ZNF808: variants seen among roughly 807,000 people sequenced by gnomAD.
ZNF808 encodes the protein zinc finger protein 808.
ZNF808 carries 5 observed loss-of-function variants against 8.7 expected under a neutral mutation model. The ratio of observed to expected loss-of-function variants is 0.58; its 90% CI spans 0.30 to 1.21. The LOEUF (loss-of-function observed/expected upper bound fraction) is 1.21. Among genes scored for constraint, ZNF808 ranks in the 50% most tolerant of loss-of-function variants. ZNF808 has a pLI of 0.07. For missense variants in ZNF808, 1,103 were observed against 1,098.4 expected (o/e 1.00, Z -0.06); for synonymous variants, 380 against 366.0 (o/e 1.04, Z -0.44).
chr19:52,535,439 G>A (rs2059598258), intron 2 of ZNF808, among the ~76,000 whole-genome samples: 2 of 152,012 alleles, frequency 1.3e-5, no homozygotes, highest in South Asian at 4.1e-4. Flanking sequence ...GGCTGGCCTG[G>A]ACCCCCAGGT....
intron 1 of ZNF808, among the ~76,000 whole-genome samples, chr19:52,529,123 CT>C (rs2059538219): frequency 6.6e-6 from 1 of 151,740 alleles, no homozygotes; most frequent in Non-Finnish European, 1.5e-5. Flanking sequence ...CGCCTGTAGT[CT>C]CCACACTTTA....
exon 4 of ZNF808, chr19:52,564,394 C>A: frequency 5.3e-6 from 2 of 374,190 alleles, no homozygotes; most frequent in South Asian, 4.6e-5. Context: ...TGGGTGGGTT[C>A]AGTAATAAAC....
At chr19:52,568,498 T>C (rs1385893922), downstream of ZNF808, among the ~76,000 whole-genome samples, 5 of 140,060 alleles carry the variant, frequency 3.6e-5, no homozygotes, top group Non-Finnish European at 8.2e-5. Context: ...CCTGGCATCA[T>C]TGTCCCTTCT....
chr19:52,532,084 A>G (rs2059566492), intron 1 of ZNF808, among the ~76,000 whole-genome samples: 1 of 152,182 alleles, frequency 6.6e-6, no homozygotes, highest in Non-Finnish European at 1.5e-5. Flanking sequence ...TAGTTTACTG[A>G]TTAATATTTA....
At position 52,553,931 on chromosome 19, in the gene ZNF808, G is replaced by A. The variant is rs778433297; in HGVS notation, c.1015G>A (p.Gly339Arg). 3.7e-6 allele frequency: 6 copies of A among 1,614,100 alleles called. No homozygotes were observed. Among genetic ancestry groups the A allele is most frequent in the South Asian group, 1.1e-5 (1 of 91,084 alleles). Reference protein sequence around the residue: ...ALVIHKAIHTGEKPYKCNECG... With the variant: ...ALVIHKAIHTREKPYKCNECG... The stretch of plus-strand genomic sequence containing the variant: ...TGTAATTCATAAGGCAATTCATACT[G>A]GAGAGAAACCTTACAAGTGTAATGA... Residue 339 changes from glycine to arginine, a missense_variant, in exon 5 of 5, where the codon GGA becomes AGA. Coordinates refer to ENST00000359798, the MANE Select transcript of ZNF808 (RefSeq NM_001039886.4).
intron 2 of ZNF808, among the ~76,000 whole-genome samples, chr19:52,543,055 T>C (rs1263475694): frequency 2.0e-5 from 3 of 152,050 alleles, no homozygotes; most frequent in African/African-American, 7.2e-5. Context: ...GTGTGGCGGC[T>C]TCTCCATGAA....
intron 3 of ZNF808, among the ~76,000 whole-genome samples, chr19:52,561,400 T>A (rs1373837926): frequency 6.6e-6 from 1 of 152,068 alleles, no homozygotes; most frequent in African/African-American, 2.4e-5. Context: ...CTGTACTTTC[T>A]TGGCAGACTA....
chr19:52,564,079 T>G, exon 4 of ZNF808: 1 of 638,844 alleles, frequency 1.6e-6, no homozygotes, highest in Non-Finnish European at 2.9e-6. Flanking sequence ...TCTTGTCATG[T>G]CTTCTCACAA....
Position 52,528,063 on chromosome 19 carries a change from C to T in ZNF808, c.-122+352C>T, listed in dbSNP as rs541885395. Reference sequence around the variant, plus strand: ...GCACCTCCCAGCCACCCCTCGTCGGCCCCTGGAGCGTCGCGCCGCAGCCCC... The same window carrying T: ...GCACCTCCCAGCCACCCCTCGTCGGTCCCTGGAGCGTCGCGCCGCAGCCCC... On this transcript the variant is annotated intron_variant, in intron 1 of 4. Coordinates refer to ENST00000359798, the MANE Select transcript of ZNF808 (RefSeq NM_001039886.4). Among the ~76,000 whole-genome samples the T allele has an allele frequency of 2.6e-5, 4 of 152,320 alleles. No individual in the cohort carries two copies. The South Asian group carries it at 8.3e-4, about 32-fold the overall frequency.
At chr19:52,542,877 C>G (rs570900011) in intron 2 of ZNF808, among the ~76,000 whole-genome samples, 1 of 151,342 alleles carries the variant, frequency 6.6e-6, no homozygotes, top group Non-Finnish European at 1.5e-5. Flanking sequence ...GGCACGATCT[C>G]GACTCACTGC....
intron 3 of ZNF808, among the ~76,000 whole-genome samples, chr19:52,546,209 A>G (rs1389996782): frequency 7.3e-6 from 1 of 136,638 alleles, no homozygotes; most frequent in Non-Finnish European, 1.6e-5. Flanking sequence ...TTTTTTGGAG[A>G]CAGAGTATTG....
chr19:52,539,873 CT>C (rs1259048186), intron 2 of ZNF808, among the ~76,000 whole-genome samples: 1 of 151,672 alleles, frequency 6.6e-6, no homozygotes. Context: ...TTTTGAGACA[CT>C]TTTACTGTTT....
downstream of ZNF808, among the ~76,000 whole-genome samples, chr19:52,558,284 G>T (rs1183048414): frequency 6.6e-6 from 1 of 151,118 alleles, no homozygotes; most frequent in Non-Finnish European, 1.5e-5. Context: ...CCCTGGTCTC[G>T]ATCTCCTGAC....
chr19:52,559,221 G>A (rs997445472), downstream of ZNF808, among the ~76,000 whole-genome samples: 1 of 152,096 alleles, frequency 6.6e-6, no homozygotes, highest in East Asian at 1.9e-4. Context: ...GAATGTCTCG[G>A]TGTAAAGCCC....
chr19:52,537,607 G>A (rs1271233301), intron 2 of ZNF808, among the ~76,000 whole-genome samples: 1 of 151,638 alleles, frequency 6.6e-6, no homozygotes, highest in South Asian at 2.1e-4. Context: ...AGGATCACTT[G>A]AGCCCAGGAG....
At chr19:52,551,712 AC>A (rs1195354695) in intron 4 of ZNF808, among the ~76,000 whole-genome samples, 2 of 152,168 alleles carry the variant, frequency 1.3e-5, no homozygotes, top group Non-Finnish European at 2.9e-5. Flanking sequence ...CGTTAATGTC[AC>A]AAAGTGCCAC....
chr19:52,552,704 T>TG (rs1491303288), intron 4 of ZNF808, among the ~76,000 whole-genome samples: 1 of 29,978 alleles, frequency 3.3e-5, no homozygotes, highest in Non-Finnish European at 5.6e-5. Context: ...TGTTGTGTGG[T>TG]TTTTTTTTTT....
rs113708835 is a variant in ZNF808 at position 52,543,137 on chromosome 19, A to C, written c.-19-129A>C. The C allele has an allele frequency of 3.9e-5, 35 of 900,758 alleles. No homozygotes were observed. The African/African-American group carries it at 4.2e-4, about 11-fold the overall frequency. 55.8% of individuals were successfully genotyped at this position (900,758 alleles called of 1,614,324 possible). On this transcript the variant is annotated intron_variant, in intron 2 of 4. Coordinates refer to ENST00000359798, the MANE Select transcript of ZNF808 (RefSeq NM_001039886.4). ...TCCTGTGGGACTTTCTTACCTCTGC[A>C]TGATCTCTGGTGCAGTGGGCAGTGG...
chr19:52,558,158 T>C (rs1334051356), downstream of ZNF808, among the ~76,000 whole-genome samples: 1 of 147,988 alleles, frequency 6.8e-6, no homozygotes, highest in Non-Finnish European at 1.5e-5. Flanking sequence ...CAATCTCGGC[T>C]CACTGCAAGC....
Sources: allele counts gnomAD v4.1 joint callset (sites outside exome capture counted in the v4.1 genomes callset), GRCh38; gene constraint gnomAD v4.1.1; transcripts MANE v1.5; gene names NCBI Gene and HGNC (gene_info 2026-07-23, HGNC 2026-07-21).